Variants in ZEB2 observed in about 807,000 individuals in gnomAD.
The protein encoded by ZEB2 is zinc finger E-box-binding homeobox 2.
A neutral mutation model predicts 99.9 loss-of-function variants in ZEB2; 6 were observed. The ratio of observed to expected loss-of-function variants is 0.06; its 90% CI spans 0.03 to 0.12. ZEB2 has a LOEUF of 0.12. Ranked by LOEUF, ZEB2 falls within the 10% of genes least tolerant of loss-of-function variation. The pLI is 1.00. For missense variants in ZEB2, 969 were observed against 1,502.8 expected (o/e 0.64, Z 5.87); for synonymous variants, 517 against 542.5 (o/e 0.95, Z 0.65).
intron 2 of ZEB2, among the ~76,000 whole-genome samples, chr2:144,510,179 T>A (rs1705010497): frequency 6.6e-6 from 1 of 152,196 alleles, no homozygotes; most frequent in Non-Finnish European, 1.5e-5. Context: ...TGAGAGTTTC[T>A]TCTTGGCTTT....
At chr2:144,419,089 G>A (rs1420027666) in intron 4 of ZEB2, among the ~76,000 whole-genome samples, 2 of 152,212 alleles carry the variant, frequency 1.3e-5, no homozygotes, top group African/African-American at 2.4e-5. Flanking sequence ...CTTTACCGAT[G>A]TAGAAATGAA....
chr2:144,435,841 ATG>A (rs1214694375), intron 2 of ZEB2, among the ~76,000 whole-genome samples: 1 of 151,686 alleles, frequency 6.6e-6, no homozygotes. Context: ...ATTTCCAAGT[ATG>A]TGCTACTGAG....
intron 4 of ZEB2, among the ~76,000 whole-genome samples, chr2:144,419,664 A>G (rs1047024930): frequency 2.0e-5 from 3 of 152,224 alleles, no homozygotes; most frequent in African/African-American, 7.2e-5. Context: ...TCACACACTT[A>G]AAAATTTTAC....
At chr2:144,406,510 T>C (rs949222113) in intron 4 of ZEB2, among the ~76,000 whole-genome samples, 1 of 152,012 alleles carries the variant, frequency 6.6e-6, no homozygotes, top group Non-Finnish European at 1.5e-5. Context: ...TAACTAAATG[T>C]AGAAGCTGGA....
At chr2:144,398,174 T>C (rs1365720085) in intron 8 of ZEB2, 127 bp downstream of exon 8, 1 of 1,252,844 alleles carries the variant, frequency 8.0e-7, no homozygotes. Flanking sequence ...TGGTTTTAGG[T>C]TCATGTTAAA....
intron 2 of ZEB2, chr2:144,463,678 A>T (rs969478179): frequency 2.0e-5 from 3 of 151,840 alleles, no homozygotes; most frequent in Non-Finnish European, 4.4e-5. Flanking sequence ...AAAATAAAAA[A>T]AAAAATTATC....
At chr2:144,462,798 CA>C (rs1461363484) in intron 2 of ZEB2, 6 of 152,134 alleles carry the variant, frequency 3.9e-5, no homozygotes, top group South Asian at 4.1e-4. Context: ...CAGTTGTGAA[CA>C]GCTGGCATAC....
At chr2:144,403,630 C>A (rs995007840) in intron 6 of ZEB2, among the ~76,000 whole-genome samples, 2 of 152,090 alleles carry the variant, frequency 1.3e-5, no homozygotes, top group African/African-American at 2.4e-5. Flanking sequence ...GCTACAATTT[C>A]ATTCACTTTT....
intron 2 of ZEB2, among the ~76,000 whole-genome samples, chr2:144,492,766 A>G (rs1191468751): frequency 6.6e-6 from 1 of 152,240 alleles, no homozygotes; most frequent in South Asian, 2.1e-4. Context: ...CACAAAGTGA[A>G]TTTCAAAAAG....
chr2:144,395,106 C>T (rs1371775729), intron 9 of ZEB2, among the ~76,000 whole-genome samples: 1 of 151,134 alleles, frequency 6.6e-6, no homozygotes, highest in Non-Finnish European at 1.5e-5. Context: ...AGCCATCCTC[C>T]TACCTCAGCC....
chr2:144,429,615 T>G (rs948831127), intron 3 of ZEB2, 154 bp downstream of exon 3: 2 of 1,205,990 alleles, frequency 1.7e-6, no homozygotes, highest in Non-Finnish European at 2.4e-6. Flanking sequence ...TATCACTTCA[T>G]AATCTGTCAC....
intron 2 of ZEB2, among the ~76,000 whole-genome samples, chr2:144,488,746 GC>G: frequency 6.6e-6 from 1 of 151,462 alleles, no homozygotes; most frequent in East Asian, 1.9e-4. Context: ...AAACAACTGA[GC>G]TCATCCATTT....
At chr2:144,458,740 A>C (rs1380330275) in intron 2 of ZEB2, among the ~76,000 whole-genome samples, 1 of 152,164 alleles carries the variant, frequency 6.6e-6, no homozygotes, top group Non-Finnish European at 1.5e-5. Flanking sequence ...GGCATGATGA[A>C]GCAATTTTAG....
At chr2:144,451,509 T>C (rs7597006) in intron 2 of ZEB2, among the ~76,000 whole-genome samples, 68,948 of 152,044 alleles carry the variant, frequency 0.45, 17,975 homozygotes, top group East Asian at 0.6. Context: ...GGTGTAGAAA[T>C]GATTTGAAGG....
chr2:144,485,716 T>G (rs972897242), intron 2 of ZEB2, among the ~76,000 whole-genome samples: 8 of 152,220 alleles, frequency 5.3e-5, no homozygotes, highest in African/African-American at 1.7e-4. Flanking sequence ...GCCTCTGGGT[T>G]CAAGCTGTTC....
At chr2:144,440,639 G>A (rs938074828) in intron 2 of ZEB2, among the ~76,000 whole-genome samples, 5 of 150,938 alleles carry the variant, frequency 3.3e-5, no homozygotes, top group African/African-American at 1.2e-4. Flanking sequence ...TGAGTCACAC[G>A]CATGGTGTGC....
intron 4 of ZEB2, among the ~76,000 whole-genome samples, chr2:144,407,241 C>T (rs185921755): frequency 1.3e-5 from 2 of 152,272 alleles, no homozygotes; most frequent in African/African-American, 2.4e-5. Flanking sequence ...TTAACAAGAA[C>T]AACGGTCTAT....
At chr2:144,440,509 ATATATATTTTT>A (rs1450107271) in intron 2 of ZEB2, among the ~76,000 whole-genome samples, 33 of 28,918 alleles carry the variant, frequency 1.1e-3, no homozygotes, top group African/African-American at 3.1e-3. Context: ...ATATATATAT[ATATATATTTTT>A]TTTTTTTTTT....
chr2:144,390,153 C>T, intron 9 of ZEB2, 125 bp from the exon 10 acceptor site: 4 of 1,025,304 alleles, frequency 3.9e-6, no homozygotes, highest in Middle Eastern at 2.0e-4. Context: ...GATCAACACA[C>T]CCCGGTCTAA....
Sources: gnomAD v4.1 joint callset for allele counts (sites outside exome capture counted in the v4.1 genomes callset) on GRCh38, gnomAD v4.1.1 for gene constraint, MANE v1.5 for transcripts, NCBI Gene and HGNC (gene_info 2026-07-23, HGNC 2026-07-21) for gene names.